The following STAG1 variants were observed in gnomAD, a reference collection of about 807,000 sequenced individuals.
STAG1 encodes STAG1 cohesin complex component, also known as cohesin subunit SA-1.
STAG1 carries 26 observed loss-of-function variants against 170.9 expected under a neutral mutation model. The observed-to-expected ratio is 0.15, with a 90% CI of 0.11 to 0.21. The LOEUF is 0.21. STAG1 is among the 10% of genes least tolerant of loss of function. The pLI is 1.00. For synonymous variants in STAG1, 514 were observed against 497.7 expected (o/e 1.03, Z -0.44); for missense variants, 964 against 1,509.5 (o/e 0.64, Z 5.99).
intron 4 of STAG1, among the ~76,000 whole-genome samples, chr3:136,593,060 C>T (rs1938263854): frequency 2.0e-5 from 3 of 152,172 alleles, no homozygotes; most frequent in African/African-American, 7.2e-5. Context: ...ACAATGATAT[C>T]TGGCTGCACT....
At chr3:136,597,149 ATTT>A (rs1938464169) in intron 4 of STAG1, among the ~76,000 whole-genome samples, 1 of 152,120 alleles carries the variant, frequency 6.6e-6, no homozygotes, top group Non-Finnish European at 1.5e-5. Flanking sequence ...GAAATTTGGG[ATTT>A]TTATTTTTTT....
intron 14 of STAG1, among the ~76,000 whole-genome samples, chr3:136,449,445 C>T (rs1442531813): frequency 1.3e-5 from 2 of 151,770 alleles, no homozygotes; most frequent in Non-Finnish European, 2.9e-5. Context: ...CTTGTAGTCT[C>T]AGCTACTTGG....
intron 3 of STAG1, among the ~76,000 whole-genome samples, chr3:136,618,562 T>C (rs1215302947): frequency 6.6e-6 from 1 of 152,188 alleles, no homozygotes; most frequent in African/African-American, 2.4e-5. Flanking sequence ...AATATAGAAG[T>C]GCTGGTTCTC....
intron 14 of STAG1, among the ~76,000 whole-genome samples, chr3:136,446,508 C>A (rs1264240917): frequency 6.6e-6 from 1 of 150,766 alleles, no homozygotes; most frequent in Non-Finnish European, 1.5e-5. Flanking sequence ...CTGCAACCTC[C>A]GCCTCCCAGG....
At chr3:136,650,451 CTACAAGTATTACAT>C (rs1295406996) in intron 1 of STAG1, among the ~76,000 whole-genome samples, 1 of 152,128 alleles carries the variant, frequency 6.6e-6, no homozygotes. Context: ...TCCATACATA[CTACAAGTATTACAT>C]ATGCAATAAA....
chr3:136,471,136 G>T (rs945879667), intron 12 of STAG1, among the ~76,000 whole-genome samples: 1 of 151,240 alleles, frequency 6.6e-6, no homozygotes, highest in Admixed American at 6.6e-5. Context: ...AAAAAAAAGA[G>T]GATCACCTCA....
At chr3:136,488,467 C>A (rs2090060045) in intron 9 of STAG1, among the ~76,000 whole-genome samples, 1 of 152,198 alleles carries the variant, frequency 6.6e-6, no homozygotes, top group African/African-American at 2.4e-5. Context: ...TAATTTGTTA[C>A]ATGGCAAAAG....
intron 2 of STAG1, among the ~76,000 whole-genome samples, chr3:136,629,584 G>A (rs189180616): frequency 1.5e-3 from 225 of 151,960 alleles, no homozygotes; most frequent in Non-Finnish European, 2.5e-3. Context: ...ATATGTCGGC[G>A]AAAGGACAGG....
intron 10 of STAG1, among the ~76,000 whole-genome samples, chr3:136,476,335 G>A (rs899699744): frequency 1.8e-4 from 28 of 152,282 alleles, no homozygotes; most frequent in African/African-American, 6.3e-4. Flanking sequence ...GATCCCAGAA[G>A]AGCAGAGAGA....
intron 4 of STAG1, among the ~76,000 whole-genome samples, chr3:136,588,556 T>C (rs1484609712): frequency 3.9e-5 from 6 of 152,194 alleles, no homozygotes; most frequent in Admixed American, 1.3e-4. Context: ...GCTAGGTTGG[T>C]CTTGAACTCC....
intron 4 of STAG1, among the ~76,000 whole-genome samples, chr3:136,591,269 G>A (rs112794803): frequency 8.2e-5 from 12 of 147,192 alleles, no homozygotes; most frequent in African/African-American, 3.0e-4. Flanking sequence ...GGAGGGAGGA[G>A]GGGAGGAGGG....
chr3:136,396,520 C>CT (rs146270857), intron 22 of STAG1, among the ~76,000 whole-genome samples: 2,657 of 43,642 alleles, frequency 0.061, 928 homozygotes, highest in African/African-American at 0.28. Flanking sequence ...CGCGCCTGGC[C>CT]TTTTTTTTTT....
chr3:136,611,886 C>CG (rs919350335), intron 3 of STAG1, among the ~76,000 whole-genome samples: 1 of 151,260 alleles, frequency 6.6e-6, no homozygotes, highest in Non-Finnish European at 1.5e-5. Flanking sequence ...CTCGCTCTGT[C>CG]GCCCAGGCTG....
At chr3:136,513,239 C>A (rs973697753) in intron 7 of STAG1, among the ~76,000 whole-genome samples, 1 of 151,996 alleles carries the variant, frequency 6.6e-6, no homozygotes, top group Non-Finnish European at 1.5e-5. Flanking sequence ...CCTGTAATCT[C>A]AGCTACTCAG....
chr3:136,728,108 G>A (rs1164434730), intron 1 of STAG1, among the ~76,000 whole-genome samples: 1 of 151,942 alleles, frequency 6.6e-6, no homozygotes, highest in South Asian at 2.1e-4. Flanking sequence ...GCAGTAAGCC[G>A]AGGTTGCGCC....
intron 1 of STAG1, among the ~76,000 whole-genome samples, chr3:136,670,881 T>C (rs534248781): frequency 7.2e-5 from 11 of 152,364 alleles, no homozygotes; most frequent in African/African-American, 2.6e-4. Flanking sequence ...ATGGATGTAT[T>C]TTCCAGATGT....
At chr3:136,529,468 T>G (rs559936901) in intron 6 of STAG1, among the ~76,000 whole-genome samples, 7 of 152,232 alleles carry the variant, frequency 4.6e-5, no homozygotes, top group Admixed American at 4.6e-4. Flanking sequence ...CCAGAGAGAA[T>G]GGAAGGACAT....
chr3:136,361,693 T>C (rs1217910812), intron 26 of STAG1, among the ~76,000 whole-genome samples: 1 of 152,150 alleles, frequency 6.6e-6, no homozygotes, highest in Admixed American at 6.5e-5. Flanking sequence ...TCACTGCAGC[T>C]TGGACCTCCC....
intron 22 of STAG1, among the ~76,000 whole-genome samples, chr3:136,392,634 C>T (rs1218049184): frequency 1.3e-5 from 2 of 151,914 alleles, no homozygotes; most frequent in African/African-American, 4.8e-5. Context: ...AGCGTGGTGG[C>T]ATGCGCCTGT....
Sources: gnomAD v4.1 joint callset for allele counts (sites outside exome capture counted in the v4.1 genomes callset) on GRCh38, gnomAD v4.1.1 for gene constraint, MANE v1.5 for transcripts, NCBI Gene and HGNC (gene_info 2026-07-23, HGNC 2026-07-21) for gene names.